Variants in STAT3 observed in about 807,000 individuals in gnomAD.
The protein encoded by STAT3 is signal transducer and activator of transcription 3.
A neutral mutation model predicts 114.3 loss-of-function variants in STAT3; 7 were observed. The ratio of observed to expected loss-of-function variants is 0.06; its 90% CI spans 0.03 to 0.11. The LOEUF (loss-of-function observed/expected upper bound fraction) is 0.11. STAT3 is among the 10% of genes least tolerant of loss of function. The probability of loss-of-function intolerance (pLI) is 1.00; values close to 1 mark genes in which losing one functional copy is unlikely to be tolerated. For synonymous variants in STAT3, 331 were observed against 354.5 expected, an observed-to-expected ratio of 0.93 and a Z score of 0.74; for missense variants, 364 against 960.9, an observed-to-expected ratio of 0.38 and a Z score of 8.21.
rs972297378 is a variant in STAT3 at position 42,337,049 on chromosome 17, G to A, written c.797+386C>T. Among the ~76,000 whole-genome samples the A allele has an allele frequency of 2.0e-5, 3 of 151,940 alleles. No homozygotes were observed. Among genetic ancestry groups the A allele is most frequent in the Admixed American group, 2.0e-4 (3 of 15,246 alleles). Reference sequence around the variant, plus strand: ...GTTGGTGTGCGGTAGTAAGATCTCCGCTCACTGCAACTTCCATATCCCAGG... The same window carrying A: ...GTTGGTGTGCGGTAGTAAGATCTCCACTCACTGCAACTTCCATATCCCAGG... On this transcript the variant is annotated intron_variant, in intron 8 of 23. Transcript: ENST00000264657. The surrounding 1 kb of genome is among the most constrained non-coding windows in gnomAD (Gnocchi z 4.0).
Position 42,315,620 on chromosome 17 carries a change from T to C in STAT3, c.*125A>G. On this transcript the variant is annotated 3_prime_UTR_variant, in exon 24 of 24. Coordinates refer to ENST00000264657, the MANE Select transcript of STAT3 (RefSeq NM_139276.3). ...GCTCAAAGATAGCAGAAGTAGGAGATTAAAAAAAATCTGGAACCACAAAGT... is the reference window on the plus strand; with the variant it reads ...GCTCAAAGATAGCAGAAGTAGGAGACTAAAAAAAATCTGGAACCACAAAGT... 2.0e-6 allele frequency: 2 copies of C among 980,812 alleles called. No homozygotes were observed. Among genetic ancestry groups the C allele is most frequent in the South Asian group, 2.6e-5 (2 of 75,750 alleles). 60.8% of individuals were successfully genotyped at this position (980,812 alleles called of 1,614,324 possible).
chr17:42,331,435 C>T lies in STAT3; in HGVS notation c.1109+37G>A. 2.6e-6 allele frequency: 4 copies of T among 1,556,584 alleles called. No homozygotes were observed. In the South Asian group the frequency reaches 4.5e-5, roughly 18 times the overall value. On this transcript the variant is annotated intron_variant, in intron 11 of 23. Coordinates refer to ENST00000264657, the MANE Select transcript of STAT3 (RefSeq NM_139276.3). ...TGTCAAAGTTCTCATTTTTCTATTCCTCATTTGAAAAACAGAGCTAAGATA... is the reference window on the plus strand; with the variant it reads ...TGTCAAAGTTCTCATTTTTCTATTCTTCATTTGAAAAACAGAGCTAAGATA...
Position 42,324,829 on chromosome 17 carries a change from G to C in STAT3, c.1482C>G (p.Thr494=). The change falls in exon 17 of 24, where the codon ACC becomes ACG. Residue 494 remains threonine, a synonymous_variant. Transcript: ENST00000264657. This position sits in a 1 kb window ranked among gnomAD's most constrained non-coding sequence, Gnocchi z 4.5. ...TNNPKNVNFF[T]KPPIGTWDQV... ...GATCCCAGGTTCCAATTGGGGGCTT[G>C]GTAAAAAAGTTTACATTCTATTGGA... 1.2e-6 allele frequency: 2 copies of C among 1,614,056 alleles called. No homozygotes were observed. Among genetic ancestry groups the C allele is most frequent in the Non-Finnish European group, 1.7e-6 (2 of 1,180,004 alleles).
chr17:42,372,950 T>C lies in STAT3; in HGVS notation c.-24+15329A>G, dbSNP rs143847243. 3.9e-5 allele frequency among the ~76,000 whole-genome samples: 6 copies of C among 152,344 alleles called. No individual in the cohort carries two copies. The East Asian group carries it at 9.6e-4, about 24-fold the overall frequency. On this transcript the variant is annotated intron_variant, in intron 1 of 23. Coordinates refer to ENST00000264657, the MANE Select transcript of STAT3 (RefSeq NM_139276.3). ...TTCATTAGTTGTAAGGGACGTACTA[T>C]ACTAATGCAAGATGTTAATAATAGA... is the stretch of plus-strand genomic sequence containing the variant.
At chr17:42,386,115 T>C (rs892843746) in intron 1 of STAT3, among the ~76,000 whole-genome samples, 1 of 152,050 alleles carries the variant, frequency 6.6e-6, no homozygotes, top group Non-Finnish European at 1.5e-5. Flanking sequence ...CCCCGGTCTC[T>C]ACTAAAAATA....
intron 21 of STAT3, among the ~76,000 whole-genome samples, chr17:42,319,414 T>C (rs1164402459): frequency 2.1e-5 from 3 of 144,354 alleles, no homozygotes; most frequent in African/African-American, 5.2e-5. Flanking sequence ...TAGTGGTGCA[T>C]GTCTGTAATC....
At chr17:42,378,452 G>A (rs1192349556) in intron 1 of STAT3, among the ~76,000 whole-genome samples, 4 of 151,984 alleles carry the variant, frequency 2.6e-5, no homozygotes, top group East Asian at 1.9e-4. Flanking sequence ...TCACCAAGTC[G>A]GCAAGGATGG....
chr17:42,350,438 A>C (rs1158870631), intron 1 of STAT3, among the ~76,000 whole-genome samples: 4 of 152,114 alleles, frequency 2.6e-5, no homozygotes, highest in Non-Finnish European at 5.9e-5. Context: ...GCATTGCTGC[A>C]CCTGGCTAAT....
At chr17:42,369,564 C>A (rs1359745876) in intron 1 of STAT3, among the ~76,000 whole-genome samples, 1 of 152,130 alleles carries the variant, frequency 6.6e-6, no homozygotes, top group South Asian at 2.1e-4. Context: ...CTTTTCAATG[C>A]TTTACCCTCA....
At chr17:42,317,856 G>A (rs1457490366) in intron 21 of STAT3, among the ~76,000 whole-genome samples, 1 of 152,174 alleles carries the variant, frequency 6.6e-6, no homozygotes, top group Non-Finnish European at 1.5e-5. Flanking sequence ...TTGTAAGGCA[G>A]TACAATTGCT....
chr17:42,341,533 G>A (rs546904560), intron 4 of STAT3, among the ~76,000 whole-genome samples: 2 of 152,142 alleles, frequency 1.3e-5, no homozygotes, highest in Non-Finnish European at 2.9e-5. Flanking sequence ...TTCTCACTTT[G>A]AGTGTTTGTG....
chr17:42,379,180 G>A (rs8071969), intron 1 of STAT3, among the ~76,000 whole-genome samples: 1 of 152,152 alleles, frequency 6.6e-6, no homozygotes, highest in Non-Finnish European at 1.5e-5. Flanking sequence ...CCACAATAGG[G>A]AAGCCAAGCC....
intron 4 of STAT3, 156 bp downstream of exon 4, chr17:42,345,403 C>CTT (rs17880347): frequency 7.6e-5 from 52 of 683,300 alleles, no homozygotes; most frequent in Non-Finnish European, 1.1e-4. Context: ...GTGGAACTTT[C>CTT]TTTTTTTTTA....
Position 42,339,425 on chromosome 17 carries a change from T to C in STAT3, c.373-16A>G, listed in dbSNP as rs770347065. On this transcript the variant is annotated splice_polypyrimidine_tract_variant and intron_variant, in intron 4 of 23. Transcript: ENST00000264657. ...GGCCCCCTTGCTGCCAAAAAGGAGGTCAATGCACATGTGAACACAGAACTA... is the reference window on the plus strand; with the variant it reads ...GGCCCCCTTGCTGCCAAAAAGGAGGCCAATGCACATGTGAACACAGAACTA... 3 of 1,612,650 alleles carry C rather than the reference T, an allele frequency of 1.9e-6. No individual in the cohort carries two copies. Among genetic ancestry groups the C allele is most frequent in the Non-Finnish European group, 2.5e-6 (3 of 1,179,224 alleles).
chr17:42,367,156 T>A (rs2083847266), intron 1 of STAT3, among the ~76,000 whole-genome samples: 1 of 149,060 alleles, frequency 6.7e-6, no homozygotes, highest in African/African-American at 2.5e-5. Context: ...AACATAAACA[T>A]AAAAATAAAT....
chr17:42,366,052 A>G (rs1177279944), intron 1 of STAT3, among the ~76,000 whole-genome samples: 1 of 152,114 alleles, frequency 6.6e-6, no homozygotes, highest in Admixed American at 6.6e-5. Context: ...TACACTGACA[A>G]TTCTCAAATT....
chr17:42,322,933 G>A, intron 20 of STAT3, 71 bp downstream of exon 20: 5 of 1,609,854 alleles, frequency 3.1e-6, no homozygotes, highest in South Asian at 2.2e-5. Flanking sequence ...GGCAGTAGGT[G>A]CTTGCAACTA....
At chr17:42,329,165 G>C (rs1199574241) in intron 14 of STAT3, among the ~76,000 whole-genome samples, 1 of 152,174 alleles carries the variant, frequency 6.6e-6, no homozygotes, top group Non-Finnish European at 1.5e-5. Context: ...AACTCAGCAA[G>C]GGACTTTCCA....
At chr17:42,346,790 A>G in intron 2 of STAT3, 77 bp from the exon 3 acceptor site, 1 of 1,608,074 alleles carries the variant, frequency 6.2e-7, no homozygotes, top group Non-Finnish European at 8.5e-7. Context: ...CCATCAAGAA[A>G]GAGGAAAAAA....
Sources: gnomAD v4.1 joint callset for allele counts (sites outside exome capture counted in the v4.1 genomes callset) on GRCh38, gnomAD v4.1.1 for gene constraint, Gnocchi (gnomAD v3.1) non-coding constraint, MANE v1.5 for transcripts, NCBI Gene and HGNC (gene_info 2026-07-23, HGNC 2026-07-21) for gene names.